CSNK1E: variants seen among roughly 807,000 people sequenced by gnomAD.
The protein encoded by CSNK1E is casein kinase I isoform epsilon.
CSNK1E carries 17 observed loss-of-function variants against 46.1 expected under a neutral mutation model. The ratio of observed to expected loss-of-function variants is 0.37; its 90% CI spans 0.25 to 0.55. CSNK1E has a LOEUF of 0.55. CSNK1E is among the 20% of genes least tolerant of loss of function. CSNK1E has a pLI of 0.82. For missense variants in CSNK1E, 386 were observed against 595.4 expected, an observed-to-expected ratio of 0.65 and a Z score of 3.66; for synonymous variants, 241 against 242.6, an observed-to-expected ratio of 0.99 and a Z score of 0.06.
chr22:38,302,830 C>G, intron 4 of CSNK1E, 31 bp downstream of exon 4: 5 of 1,611,836 alleles, frequency 3.1e-6, no homozygotes, highest in Non-Finnish European at 4.2e-6. Flanking sequence ...CCACAGGCAT[C>G]TGGCTGGGGA....
In CSNK1E at chr22:38,300,895, C is replaced by T. The variant is rs1392249109; in HGVS notation, c.394G>A (p.Asp132Asn). 6.2e-7 allele frequency: 1 copy of T among 1,614,170 alleles called. No homozygotes were observed. The highest frequency in any genetic ancestry group is 8.5e-7 in the Non-Finnish European group (1 of 1,180,032). The stretch of plus-strand genomic sequence containing the variant: ...TTCCCCAGCCCCATGAGGAAGTTGT[C>T]GGGCTTGACGTCCCGGTGGATGAAG... ...KNFIHRDVKP[D>N]NFLMGLGKKG... Residue 132 changes from aspartate (D) to asparagine (N), a missense_variant, in exon 5 of 11, where the codon GAC becomes AAC. Asp to Asn is a conservative substitution (Grantham distance 23). Coordinates refer to ENST00000396832, the MANE Select transcript of CSNK1E (RefSeq NM_152221.3). This position sits in a 1 kb window ranked among gnomAD's most constrained non-coding sequence, Gnocchi z 4.4.
At chr22:38,296,181 T>C (rs562070110) in intron 7 of CSNK1E, 21 of 1,014,374 alleles carry the variant, frequency 2.1e-5, no homozygotes, top group Middle Eastern at 4.8e-4. Flanking sequence ...ATCCAACCCA[T>C]AGGACGCAAG....
chr22:38,300,335 C>T lies in CSNK1E; in HGVS notation c.566-270G>A, dbSNP rs556264758. 6.6e-6 allele frequency among the ~76,000 whole-genome samples: 1 copy of T among 152,344 alleles called. No homozygotes were observed. The highest frequency in any genetic ancestry group is 6.5e-5 in the Admixed American group (1 of 15,308). On this transcript the variant is annotated intron_variant, in intron 5 of 10. Transcript: ENST00000396832. The surrounding 1 kb of genome is among the most constrained non-coding windows in gnomAD (Gnocchi z 4.4). ...ACTATGAGAGGGCACCTACTGCCCC[C>T]TTGCCTGGCCCACCCCGTGGAGAGG... is the stretch of plus-strand genomic sequence containing the variant.
At chr22:38,299,618 G>A (rs2092660200) in intron 6 of CSNK1E, among the ~76,000 whole-genome samples, 1 of 152,230 alleles carries the variant, frequency 6.6e-6, no homozygotes, top group Non-Finnish European at 1.5e-5. Context: ...CCGCTTCCCA[G>A]GTTCAAGCAA....
Position 38,298,885 on chromosome 22 carries a change from G to A in CSNK1E, c.786C>T (p.Asp262=). ...LNFCRSLRFD[D]KPDYSYLRQL... The stretch of plus-strand genomic sequence containing the variant: ...GACGTAGGTAAGAGTAGTCGGGCTT[G>A]TCGTCAAACCGCAGGGAGCGGCAGA... Residue 262 remains aspartate, a synonymous_variant, in exon 7 of 11, where the codon GAC becomes GAT. Transcript: ENST00000396832. This position sits in a 1 kb window ranked among gnomAD's most constrained non-coding sequence, Gnocchi z 4.2. The A allele has an allele frequency of 6.2e-7, 1 of 1,614,200 alleles. No individual in the cohort carries two copies. The highest frequency in any genetic ancestry group is 8.5e-7 in the Non-Finnish European group (1 of 1,180,032).
At chr22:38,295,520 GTC>G in intron 7 of CSNK1E, 2 of 253,984 alleles carry the variant, frequency 7.9e-6, no homozygotes, top group Non-Finnish European at 1.2e-5. Flanking sequence ...TGCAACCCAT[GTC>G]TCTCCCAGGA....
intron 7 of CSNK1E, chr22:38,297,978 G>A: frequency 8.8e-7 from 1 of 1,138,698 alleles, no homozygotes; most frequent in Non-Finnish European, 1.1e-6. Flanking sequence ...GGGGCTCTGG[G>A]TGCCCAGGGG....
intron 2 of CSNK1E, among the ~76,000 whole-genome samples, chr22:38,312,459 C>T (rs888808187): frequency 2.0e-5 from 3 of 152,234 alleles, no homozygotes; most frequent in Admixed American, 2.0e-4. Context: ...TCCCCATTTT[C>T]TCATTGGTTT....
rs1233222692 is a variant in CSNK1E, at chr22:38,294,851, TCCTGACCTGGGGCTGGG to T, written c.886-334_886-318del. Among the ~76,000 whole-genome samples, 1 of 152,126 alleles carries T rather than the reference TCCTGACCTGGGGCTGGG, an allele frequency of 6.6e-6. No individual in the cohort carries two copies. Among genetic ancestry groups the T allele is most frequent in the Admixed American group, 6.5e-5 (1 of 15,276 alleles). The stretch of plus-strand genomic sequence containing the variant: ...GATGATCAAGAGCACCTCTTGGCCC[TCCTGACCTGGGGCTGGG>T]CCTGCCCTGGCCCCCCTCTGTGTAC... On this transcript the variant is annotated intron_variant, in intron 7 of 10. Coordinates refer to ENST00000396832, the MANE Select transcript of CSNK1E (RefSeq NM_152221.3). This position sits in a 1 kb window ranked among gnomAD's most constrained non-coding sequence, Gnocchi z 5.5.
chr22:38,302,907 G>C lies in CSNK1E; in HGVS notation c.290C>G (p.Ser97Cys), dbSNP rs2092680665. Residue 97 changes from serine to cysteine, a missense_variant, in exon 4 of 11, where the codon TCC (serine) becomes TGC (cysteine). Physicochemically the swap from Ser to Cys is moderately radical, Grantham distance 112. This residue lies in a region of CSNK1E where 212 missense variants were observed against 410.2 expected (regional missense o/e 0.52). Transcript: ENST00000396832. ...PSLEDLFNFC[S>C]RKFSLKTVLL... ...CACCGTCTTGAGGCTGAATTTGCGG[G>C]AACAGAAGTTGAACAGGTCCTCGAG... The C allele has an allele frequency of 6.2e-7, 1 of 1,614,112 alleles. No homozygotes were observed. Among genetic ancestry groups the C allele is most frequent in the Non-Finnish European group, 8.5e-7 (1 of 1,180,018 alleles).
chr22:38,294,094 A>G lies in CSNK1E; in HGVS notation c.1218+15T>C. On this transcript the variant is annotated intron_variant, in intron 9 of 10. Coordinates refer to ENST00000396832, the MANE Select transcript of CSNK1E (RefSeq NM_152221.3). This position sits in a 1 kb window ranked among gnomAD's most constrained non-coding sequence, Gnocchi z 5.5. ...AGTTCTGAGGCCCAGAGGGACTGGC[A>G]GGGGGGCAGCTCACCTGTGAGGCTG... 1 of 1,606,580 alleles carries G rather than the reference A, an allele frequency of 6.2e-7. No individual in the cohort carries two copies. Among genetic ancestry groups the G allele is most frequent in the Non-Finnish European group, 8.5e-7 (1 of 1,178,842 alleles).
chr22:38,307,461 G>C (rs1343257516), intron 2 of CSNK1E, among the ~76,000 whole-genome samples: 1 of 152,036 alleles, frequency 6.6e-6, no homozygotes, highest in Non-Finnish European at 1.5e-5. Context: ...TGAGGTAGGA[G>C]AATCTCTTGA....
intron 7 of CSNK1E, chr22:38,296,856 T>C: frequency 3.9e-6 from 3 of 760,532 alleles, no homozygotes; most frequent in Non-Finnish European, 6.3e-6. Context: ...CTCACTCCAA[T>C]CTCTGCCTCC....
At chr22:38,306,495 G>A (rs1032155190) in intron 2 of CSNK1E, among the ~76,000 whole-genome samples, 1 of 152,182 alleles carries the variant, frequency 6.6e-6, no homozygotes. Context: ...CACTTTGAGA[G>A]GCCGAGGCAG....
At chr22:38,310,066 C>T (rs2092714338) in intron 2 of CSNK1E, among the ~76,000 whole-genome samples, 1 of 152,206 alleles carries the variant, frequency 6.6e-6, no homozygotes, top group African/African-American at 2.4e-5. Context: ...GGATGGGGCA[C>T]AGCCAGAATT....
At chr22:38,310,020 A>C (rs181399191) in intron 2 of CSNK1E, among the ~76,000 whole-genome samples, 30 of 152,314 alleles carry the variant, frequency 2.0e-4, no homozygotes, top group Admixed American at 7.8e-4. Flanking sequence ...TGAGGTTCAG[A>C]AACGTTAGGT....
rs371648738 is a variant in CSNK1E, at chr22:38,293,336, G to A, written c.1219-17C>T. On this transcript the variant is annotated splice_polypyrimidine_tract_variant and intron_variant, in intron 9 of 10. Transcript: ENST00000396832. The stretch of plus-strand genomic sequence containing the variant: ...CACACTTGTCTTTTGAGGGTGGGGA[G>A]GGAGAGAGGGGGAGGGAGAGAGAGG... The A allele has an allele frequency of 1.3e-5, 19 of 1,514,592 alleles. No homozygotes were observed. The Middle Eastern group carries it at 5.1e-4, about 41-fold the overall frequency. 93.8% of individuals were successfully genotyped at this position (1,514,592 alleles called of 1,614,324 possible).
intron 6 of CSNK1E, 115 bp downstream of exon 6, chr22:38,299,780 C>T: frequency 8.2e-7 from 1 of 1,216,194 alleles, no homozygotes; most frequent in Non-Finnish European, 1.2e-6. Context: ...AGTGCCAGGA[C>T]TGCAGGCGTG....
chr22:38,293,218 G>A (rs1208635728), intron 10 of CSNK1E, 37 bp downstream of exon 10: 6 of 1,568,016 alleles, frequency 3.8e-6, no homozygotes, highest in Non-Finnish European at 5.3e-6. Context: ...TTCTAGGTCG[G>A]CTGGGCTGGC....
Sources: allele counts gnomAD v4.1 joint callset (sites outside exome capture counted in the v4.1 genomes callset), GRCh38; gene constraint gnomAD v4.1.1; regional missense constraint gnomAD v4.1.1; non-coding constraint Gnocchi (gnomAD v3.1); transcripts MANE v1.5; gene names NCBI Gene and HGNC (gene_info 2026-07-23, HGNC 2026-07-21).